The following SLC22A14 variants were observed in gnomAD, a reference collection of about 807,000 sequenced individuals.
The protein encoded by SLC22A14 is organic cation transporter-like 4.
SLC22A14 carries 50 observed loss-of-function variants against 53.9 expected under a neutral mutation model. The ratio of observed to expected loss-of-function variants is 0.93; its 90% CI spans 0.74 to 1.17. The LOEUF (loss-of-function observed/expected upper bound fraction) is 1.17. Ranked by LOEUF, SLC22A14 falls within the 50% of genes most tolerant of loss-of-function variation. SLC22A14 has a pLI of 0.00. For synonymous variants in SLC22A14, 312 were observed against 303.0 expected (o/e 1.03, Z -0.31); for missense variants, 671 against 734.7 (o/e 0.91, Z 1.00).
At chr3:38,281,132 C>A (rs1470657808), upstream of SLC22A14, among the ~76,000 whole-genome samples, 1 of 152,086 alleles carries the variant, frequency 6.6e-6, no homozygotes, top group African/African-American at 2.4e-5. Flanking sequence ...CCTGCAGACA[C>A]CCCGAGGGAG....
At chr3:38,310,324 G>A (rs1223599276) in intron 5 of SLC22A14, among the ~76,000 whole-genome samples, 1 of 152,184 alleles carries the variant, frequency 6.6e-6, no homozygotes, top group African/African-American at 2.4e-5. Flanking sequence ...GCTGCAGTGA[G>A]TTATGATTGT....
upstream of SLC22A14, among the ~76,000 whole-genome samples, chr3:38,279,079 G>A (rs188696360): frequency 5.9e-5 from 9 of 152,274 alleles, no homozygotes; most frequent in East Asian, 7.7e-4. Context: ...TGGCTGGTTC[G>A]GGGTTGGGCG....
chr3:38,290,669 AT>A (rs1384547059), intron 1 of SLC22A14, among the ~76,000 whole-genome samples: 1 of 152,108 alleles, frequency 6.6e-6, no homozygotes, highest in African/African-American at 2.4e-5. Flanking sequence ...AGGCAAAAGT[AT>A]TTTTCCTTCT....
At position 38,313,502 on chromosome 3, in the gene SLC22A14, C is replaced by T. The variant is rs376693746; in HGVS notation, c.1163+17C>T. On this transcript the variant is annotated intron_variant, in intron 7 of 10. Transcript: ENST00000448498. Reference sequence around the variant, plus strand: ...CTGTGTGTGGTGAGTATCCAGGGCTCGCTGGCAGGGACTGCGAACAGGTGC... The same window carrying T: ...CTGTGTGTGGTGAGTATCCAGGGCTTGCTGGCAGGGACTGCGAACAGGTGC... The T allele has an allele frequency of 5.9e-5, 93 of 1,563,782 alleles. No individual in the cohort carries two copies. The Admixed American group carries it at 9.3e-4, about 16-fold the overall frequency.
At chr3:38,315,217 C>T (rs1040482381) in intron 8 of SLC22A14, among the ~76,000 whole-genome samples, 1 of 152,258 alleles carries the variant, frequency 6.6e-6, no homozygotes, top group Non-Finnish European at 1.5e-5. Context: ...CAGGCCTGGC[C>T]CTGAGTGGAT....
intron 7 of SLC22A14, 83 bp downstream of exon 7, chr3:38,313,568 CT>C (rs1704533430): frequency 8.9e-7 from 1 of 1,128,074 alleles, no homozygotes; most frequent in Admixed American, 1.7e-5. Flanking sequence ...AATGGTCAGG[CT>C]GCAGGGGAGG....
intron 1 of SLC22A14, among the ~76,000 whole-genome samples, chr3:38,295,124 G>A (rs1704000540): frequency 6.6e-6 from 1 of 152,176 alleles, no homozygotes; most frequent in East Asian, 1.9e-4. Context: ...TCACCTGGGA[G>A]AAACCATCTA....
At chr3:38,281,390 G>A (rs1254522562), upstream of SLC22A14, among the ~76,000 whole-genome samples, 6 of 151,972 alleles carry the variant, frequency 3.9e-5, no homozygotes, top group African/African-American at 1.5e-4. Flanking sequence ...TATTTATAAA[G>A]AAAAGAAATT....
Position 38,307,699 on chromosome 3 carries a change from G to A in SLC22A14, c.754G>A (p.Ala252Thr), listed in dbSNP as rs200149889. Residue 252 changes from alanine to threonine, a missense_variant, in exon 4 of 11, where the codon GCC (alanine) becomes ACC (threonine). Transcript: ENST00000448498. The surrounding 1 kb of genome is among the most constrained non-coding windows in gnomAD (Gnocchi z 4.4). ...FGISQSVVGY[A>T]ISSISLATEW... ...CATCTCGCAGTCAGTGGTGGGCTACGCCATCAGCAGCATTTCTTTGGGTGA... is the reference window on the plus strand; with the variant it reads ...CATCTCGCAGTCAGTGGTGGGCTACACCATCAGCAGCATTTCTTTGGGTGA... 20 of 1,614,112 alleles carry A rather than the reference G, an allele frequency of 1.2e-5. No individual in the cohort carries two copies. The highest frequency in any genetic ancestry group is 3.3e-4 in the Middle Eastern group (2 of 6,062).
intron 8 of SLC22A14, among the ~76,000 whole-genome samples, chr3:38,315,261 G>A (rs946751661): frequency 1.3e-5 from 2 of 152,272 alleles, no homozygotes; most frequent in Non-Finnish European, 2.9e-5. Context: ...AATTGGGTGA[G>A]GAGGTGGAAC....
In SLC22A14 at chr3:38,306,116, T is replaced by C. The variant is rs1474343341; in HGVS notation, c.90T>C (p.His30=). 5 of 1,614,014 alleles carry C rather than the reference T, an allele frequency of 3.1e-6. No homozygotes were observed. The highest frequency in any genetic ancestry group is 1.3e-5 in the African/African-American group (1 of 74,916). Residue 30 remains histidine, a synonymous_variant, in exon 2 of 11, where the codon CAT becomes CAC. Transcript: ENST00000448498. ...AGCATGAGGTAGCAGGACATCCACA[T>C]TCCTGGTCTCTGGAGATGCTGTTAC... ...LNQHEVAGHP[H]SWSLEMLLRR...
chr3:38,298,015 A>C (rs1704077578), intron 1 of SLC22A14, among the ~76,000 whole-genome samples: 1 of 152,222 alleles, frequency 6.6e-6, no homozygotes, highest in Non-Finnish European at 1.5e-5. Context: ...GCGGGATTCT[A>C]CAGTAAAGAA....
rs144695381 is a variant in SLC22A14, at chr3:38,315,022, T to C, written c.1379-536T>C. ...GGCTGAAGCCCCCAGCTTCACCAGG[T>C]CTGAGGAATGGGCTTTCCCCAGTTT... On this transcript the variant is annotated intron_variant, in intron 8 of 10. Coordinates refer to ENST00000448498, the MANE Select transcript of SLC22A14 (RefSeq NM_001320033.2). 1.8e-3 allele frequency among the ~76,000 whole-genome samples: 270 copies of C among 152,320 alleles called. 2 individuals are homozygous for C. Among genetic ancestry groups the C allele is most frequent in the African/African-American group, 6.1e-3 (255 of 41,580 alleles).
At chr3:38,293,644 A>G (rs930057495) in intron 1 of SLC22A14, among the ~76,000 whole-genome samples, 1 of 152,194 alleles carries the variant, frequency 6.6e-6, no homozygotes, top group Non-Finnish European at 1.5e-5. Context: ...CATGTGTTAC[A>G]GTGGACATCA....
chr3:38,298,930 GC>G (rs1704101902), intron 1 of SLC22A14, among the ~76,000 whole-genome samples: 1 of 152,104 alleles, frequency 6.6e-6, no homozygotes. Flanking sequence ...TTACTTATTT[GC>G]TTAAATATTA....
rs745686525 is a variant in SLC22A14 at position 38,289,660 on chromosome 3, C to T, written c.-1+7321C>T. On this transcript the variant is annotated intron_variant, in intron 1 of 10. Transcript: ENST00000448498. ...GGATGAACCCAGGCACTTAGCCATG[C>T]GGGAACAATGGCAAGCCTTTAGCCC... is the stretch of plus-strand genomic sequence containing the variant. 7.9e-5 allele frequency among the ~76,000 whole-genome samples: 12 copies of T among 152,300 alleles called. 1 individual carries two copies. The highest frequency in any genetic ancestry group is 4.1e-4 in the South Asian group (2 of 4,824).
Position 38,318,368 on chromosome 3 carries a change from G to A in SLC22A14, c.*119G>A, listed in dbSNP as rs907141955. The A allele has an allele frequency of 3.2e-6, 3 of 951,986 alleles. No individual in the cohort carries two copies. Among genetic ancestry groups the A allele is most frequent in the Admixed American group, 3.6e-5 (2 of 55,594 alleles). The allele number at this position is 951,986 out of a possible 1,614,324, so 59.0% of individuals were successfully genotyped here. ...GGAAGCAAACAGCCAGGCTCCCTGAGGGCCAGGCCCCCAGACCATCTTGGG... is the reference window on the plus strand; with the variant it reads ...GGAAGCAAACAGCCAGGCTCCCTGAAGGCCAGGCCCCCAGACCATCTTGGG... On this transcript the variant is annotated 3_prime_UTR_variant, in exon 11 of 11. Coordinates refer to ENST00000448498, the MANE Select transcript of SLC22A14 (RefSeq NM_001320033.2).
chr3:38,306,100 T>A lies in SLC22A14; in HGVS notation c.74T>A (p.Val25Glu), dbSNP rs772718013. 6.2e-7 allele frequency: 1 copy of A among 1,614,048 alleles called. No individual in the cohort carries two copies. Among genetic ancestry groups the A allele is most frequent in the South Asian group, 1.1e-5 (1 of 91,078 alleles). The change falls in exon 2 of 11, where the codon GTA becomes GAA. Residue 25 changes from valine (V) to glutamate (E), a missense_variant. Coordinates refer to ENST00000448498, the MANE Select transcript of SLC22A14 (RefSeq NM_001320033.2). ...DASRNLNQHEVAGHPHSWSLE... is the reference protein window; with the variant it reads ...DASRNLNQHEEAGHPHSWSLE... Reference sequence around the variant, plus strand: ...TCCAGGAACTTGAACCAGCATGAGGTAGCAGGACATCCACATTCCTGGTCT... The same window carrying A: ...TCCAGGAACTTGAACCAGCATGAGGAAGCAGGACATCCACATTCCTGGTCT...
intron 1 of SLC22A14, among the ~76,000 whole-genome samples, chr3:38,284,137 G>A (rs1045513801): frequency 4.6e-5 from 7 of 152,320 alleles, no homozygotes; most frequent in Non-Finnish European, 1.0e-4. Context: ...GTCTGAGAAG[G>A]AGGCATCCCC....
Sources: gnomAD v4.1 joint callset for allele counts (sites outside exome capture counted in the v4.1 genomes callset) on GRCh38, gnomAD v4.1.1 for gene constraint, Gnocchi (gnomAD v3.1) non-coding constraint, MANE v1.5 for transcripts, NCBI Gene and HGNC (gene_info 2026-07-23, HGNC 2026-07-21) for gene names.